Variants in CSGALNACT1 observed in about 807,000 individuals in gnomAD.
CSGALNACT1 encodes beta4GalNAcT-1.
Under a neutral mutation model 51.0 loss-of-function variants are expected in CSGALNACT1, and 52 were observed. The observed-to-expected ratio is 1.02, with a 90% CI of 0.82 to 1.29. The LOEUF (loss-of-function observed/expected upper bound fraction) is 1.29, where lower values mean the gene tolerates loss of function less well. Ranked by LOEUF, CSGALNACT1 falls within the 50% of genes most tolerant of loss-of-function variation. The probability of loss-of-function intolerance (pLI) is 0.00; values close to 1 mark genes in which losing one functional copy is unlikely to be tolerated. For missense variants in CSGALNACT1, 935 were observed against 679.2 expected, an observed-to-expected ratio of 1.38 and a Z score of -4.19; for synonymous variants, 341 against 254.4, an observed-to-expected ratio of 1.34 and a Z score of -3.24.
At chr8:19,589,146 C>T (rs1226757674) in intron 3 of CSGALNACT1, among the ~76,000 whole-genome samples, 2 of 152,028 alleles carry the variant, frequency 1.3e-5, no homozygotes, top group South Asian at 4.2e-4. Context: ...TGTTATGATC[C>T]CTGATTTCTA....
At chr8:19,495,887 C>G (rs928493699) in intron 4 of CSGALNACT1, among the ~76,000 whole-genome samples, 8 of 152,160 alleles carry the variant, frequency 5.3e-5, no homozygotes, top group Admixed American at 5.2e-4. Flanking sequence ...CTGGAAGGAA[C>G]AAGATATTAC....
At chr8:19,476,626 T>G (rs1452344768) in intron 4 of CSGALNACT1, among the ~76,000 whole-genome samples, 1 of 152,146 alleles carries the variant, frequency 6.6e-6, no homozygotes, top group Non-Finnish European at 1.5e-5. Context: ...GGCCTATAAC[T>G]GCATGACCTA....
At chr8:19,424,232 T>C (rs1257218682) in intron 6 of CSGALNACT1, among the ~76,000 whole-genome samples, 1 of 152,092 alleles carries the variant, frequency 6.6e-6, no homozygotes, top group Non-Finnish European at 1.5e-5. Context: ...CATCAGGCAG[T>C]CACAGACACT....
At chr8:19,591,122 G>A (rs952584691) in intron 3 of CSGALNACT1, 1 of 152,162 alleles carries the variant, frequency 6.6e-6, no homozygotes, top group East Asian at 1.9e-4. Flanking sequence ...TTTTCACAGA[G>A]CTGATATTTA....
At chr8:19,492,797 A>G (rs537830824) in intron 4 of CSGALNACT1, among the ~76,000 whole-genome samples, 1 of 152,292 alleles carries the variant, frequency 6.6e-6, no homozygotes, top group East Asian at 1.9e-4. Context: ...TTATTCCCAA[A>G]CTGGAAATTC....
chr8:19,666,809 A>AAGAAAGAAAGAGAGAGAGAGAGAG (rs1564383214), intron 1 of CSGALNACT1, among the ~76,000 whole-genome samples: 2 of 25,064 alleles, frequency 8.0e-5, no homozygotes, highest in Non-Finnish European at 1.4e-4. Flanking sequence ...GAAAGAAAGA[A>AAGAAAGAAAGAGAGAGAGAGAGAG]AGAGAGAGAG....
chr8:19,701,156 T>TTTTTTTTTG (rs1564446215), intron 1 of CSGALNACT1, among the ~76,000 whole-genome samples: 2 of 136,654 alleles, frequency 1.5e-5, no homozygotes, highest in East Asian at 2.1e-4. Context: ...ATTATCCGTT[T>TTTTTTTTTG]TTTTTTTTTT....
chr8:19,673,590 G>A (rs539907998), intron 1 of CSGALNACT1, among the ~76,000 whole-genome samples: 240 of 152,160 alleles, frequency 1.6e-3, no homozygotes, highest in South Asian at 8.5e-3. Flanking sequence ...AATTCCCATC[G>A]CTATCCTGAG....
intron 1 of CSGALNACT1, among the ~76,000 whole-genome samples, chr8:19,667,012 A>AAGGAAGGAAGGAAGGAAGG (rs2059378990): frequency 2.9e-5 from 1 of 34,394 alleles, no homozygotes; most frequent in African/African-American, 2.0e-4. Flanking sequence ...AGAAAGAAAG[A>AAGGAAGGAAGGAAGGAAGG]AAGAAAGGAA....
At chr8:19,716,738 G>C (rs1229430677) in intron 1 of CSGALNACT1, among the ~76,000 whole-genome samples, 1 of 151,614 alleles carries the variant, frequency 6.6e-6, no homozygotes, top group Non-Finnish European at 1.5e-5. Context: ...GTTGTAGTGG[G>C]CCAAGATCGT....
intron 3 of CSGALNACT1, among the ~76,000 whole-genome samples, chr8:19,529,288 A>C (rs1247451373): frequency 6.6e-6 from 1 of 152,208 alleles, no homozygotes; most frequent in Non-Finnish European, 1.5e-5. Context: ...GCATAGCAGA[A>C]GAGTGAGAGT....
At chr8:19,596,415 C>A (rs1487075516) in intron 2 of CSGALNACT1, among the ~76,000 whole-genome samples, 1 of 152,030 alleles carries the variant, frequency 6.6e-6, no homozygotes, top group Non-Finnish European at 1.5e-5. Context: ...GTGTGTCACG[C>A]CCTCTGCTTG....
upstream of CSGALNACT1, among the ~76,000 whole-genome samples, chr8:19,684,770 C>T (rs560949661): frequency 3.0e-4 from 46 of 152,276 alleles, no homozygotes; most frequent in African/African-American, 1.1e-3. Flanking sequence ...TCTGGCCAAC[C>T]ACCTAAAAAG....
intron 4 of CSGALNACT1, among the ~76,000 whole-genome samples, chr8:19,504,832 G>A (rs1014344176): frequency 4.6e-5 from 7 of 152,184 alleles, no homozygotes; most frequent in Non-Finnish European, 1.0e-4. Flanking sequence ...TAATATGTGC[G>A]TGTTATTATT....
intron 3 of CSGALNACT1, among the ~76,000 whole-genome samples, chr8:19,540,970 C>T (rs2084968428): frequency 6.6e-6 from 1 of 152,186 alleles, no homozygotes; most frequent in African/African-American, 2.4e-5. Context: ...CTACCCTGTC[C>T]CCAGACTGTA....
At chr8:19,565,640 C>T (rs189617344) in intron 3 of CSGALNACT1, among the ~76,000 whole-genome samples, 2 of 152,140 alleles carry the variant, frequency 1.3e-5, no homozygotes, top group Non-Finnish European at 2.9e-5. Flanking sequence ...AACTTCAGGC[C>T]GGGCACAGTG....
chr8:19,413,273 G>A (rs2056232879), intron 8 of CSGALNACT1, among the ~76,000 whole-genome samples: 1 of 152,112 alleles, frequency 6.6e-6, no homozygotes, highest in Admixed American at 6.6e-5. Context: ...AGCGCTTTGA[G>A]GGCAAAGGAT....
chr8:19,515,483 C>T lies in CSGALNACT1; in HGVS notation c.-296-9353G>A, dbSNP rs191517266. On this transcript the variant is annotated intron_variant, in intron 3 of 9. Transcript: ENST00000454498. ...TGGGAGGGATCCTCCATCCCCTCAA[C>T]TCCTCGTTGGTCTTTTAAAAGAATT... is the stretch of plus-strand genomic sequence containing the variant. Among the ~76,000 whole-genome samples, 43 of 152,350 alleles carry T rather than the reference C, an allele frequency of 2.8e-4. 1 individual carries two copies. The highest frequency in any genetic ancestry group is 2.0e-3 in the Admixed American group (31 of 15,300).
chr8:19,705,496 G>A (rs1002750333), intron 1 of CSGALNACT1, among the ~76,000 whole-genome samples: 1 of 152,312 alleles, frequency 6.6e-6, no homozygotes, highest in Admixed American at 6.5e-5. Context: ...ACTTTGGGAG[G>A]CTGAGGCAGG....
Sources: gnomAD v4.1 joint callset for allele counts (sites outside exome capture counted in the v4.1 genomes callset) on GRCh38, gnomAD v4.1.1 for gene constraint, MANE v1.5 for transcripts, NCBI Gene and HGNC (gene_info 2026-07-23, HGNC 2026-07-21) for gene names.